TCAF1: variants seen among roughly 807,000 people sequenced by gnomAD.
TCAF1 encodes TRPM8 channel associated factor 1.
In TCAF1, 4 loss-of-function variants were observed where a neutral mutation model predicts 27.3. The observed-to-expected ratio is 0.15, with a 90% CI of 0.07 to 0.34. The LOEUF is 0.34. TCAF1 is among the 10% of genes least tolerant of loss of function. TCAF1 has a pLI of 1.00. For synonymous variants in TCAF1, 105 were observed against 167.1 expected (o/e 0.63, Z 2.87); for missense variants, 257 against 425.8 (o/e 0.60, Z 3.49).
At chr7:143,859,978 ATAT>A (rs1231369627) in intron 6 of TCAF1, among the ~76,000 whole-genome samples, 3 of 29,992 alleles carry the variant, frequency 1.0e-4, no homozygotes, top group Non-Finnish European at 2.1e-4. Context: ...TATATAATAT[ATAT>A]TATATAATAT....
At chr7:143,882,198 A>T in intron 1 of TCAF1, 1 of 80,642 alleles carries the variant, frequency 1.2e-5, no homozygotes, top group Non-Finnish European at 2.5e-5. Flanking sequence ...GCGTAAACAC[A>T]CACACACACA....
intron 1 of TCAF1, among the ~76,000 whole-genome samples, chr7:143,890,865 C>A (rs1238463298): frequency 6.6e-6 from 1 of 152,116 alleles, no homozygotes; most frequent in African/African-American, 2.4e-5. Flanking sequence ...ATAGGAGAGA[C>A]CTCAAGGAAA....
chr7:143,883,351 G>A (rs1242659102), intron 1 of TCAF1, among the ~76,000 whole-genome samples: 1 of 151,982 alleles, frequency 6.6e-6, no homozygotes, highest in Non-Finnish European at 1.5e-5. Context: ...TGAGAAATAG[G>A]AGAGGTGCAA....
intron 7 of TCAF1, 64 bp from the exon 8 acceptor site, chr7:143,857,414 T>C (rs1460400041): frequency 9.5e-7 from 1 of 1,056,552 alleles, no homozygotes; most frequent in East Asian, 2.4e-5. Context: ...CAACAACCAC[T>C]ATAATAAGTG....
intron 1 of TCAF1, among the ~76,000 whole-genome samples, chr7:143,896,539 A>G (rs1195370245): frequency 6.6e-6 from 1 of 152,092 alleles, no homozygotes; most frequent in Non-Finnish European, 1.5e-5. Context: ...ACGCACACAA[A>G]GAAAACTTAC....
rs1450960151 is a variant in TCAF1 at position 143,851,950 on chromosome 7, T to C, written c.*2183A>G. 1 of 152,230 alleles carries C rather than the reference T, an allele frequency of 6.6e-6. No homozygotes were observed. Among genetic ancestry groups the C allele is most frequent in the Non-Finnish European group, 1.5e-5 (1 of 68,054 alleles). 9.4% of individuals were successfully genotyped at this position (152,230 alleles called of 1,614,324 possible). A position where few individuals can be genotyped will look rare whatever the true frequency, so the allele number is the denominator to read the frequency against. On this transcript the variant is annotated 3_prime_UTR_variant, in exon 9 of 9. Coordinates refer to ENST00000479870, the MANE Select transcript of TCAF1 (RefSeq NM_014719.3). The stretch of plus-strand genomic sequence containing the variant: ...AAAAAATGAAACCTTTCACACTTTG[T>C]TAATAGGCTGATCTGAACATTGAAT...
rs889777069 is a variant in TCAF1, at chr7:143,885,380, G to A, written c.-14-8758C>T. ...TGCAGTGCAGACGGTTGGGGGTTGG[G>A]GCGTCCCCGGGAGCTGATTGGCTGC... On this transcript the variant is annotated intron_variant, in intron 1 of 8. Transcript: ENST00000479870. 9.1e-6 allele frequency: 9 copies of A among 985,068 alleles called. No homozygotes were observed. The Admixed American group carries it at 5.5e-4, about 61-fold the overall frequency. The allele number at this position is 985,068 out of a possible 1,614,324, so 61.0% of individuals were successfully genotyped here. A position where few individuals can be genotyped will look rare whatever the true frequency, so the allele number is the denominator to read the frequency against.
chr7:143,893,706 A>T (rs1211925533), intron 1 of TCAF1, among the ~76,000 whole-genome samples: 2 of 151,944 alleles, frequency 1.3e-5, no homozygotes, highest in East Asian at 3.8e-4. Flanking sequence ...AAATATCTTA[A>T]CTAAATAATA....
intron 2 of TCAF1, among the ~76,000 whole-genome samples, chr7:143,875,459 A>G (rs1310710532): frequency 6.6e-6 from 1 of 152,042 alleles, no homozygotes; most frequent in Non-Finnish European, 1.5e-5. Context: ...CTGATCATCA[A>G]CCTTTTGCCC....
intron 1 of TCAF1, among the ~76,000 whole-genome samples, chr7:143,889,998 T>C (rs543531263): frequency 1.8e-4 from 27 of 151,420 alleles, no homozygotes; most frequent in African/African-American, 6.5e-4. Flanking sequence ...CCATTTTTCT[T>C]TTTTTTTTGA....
At chr7:143,899,831 A>C (rs868710279) in intron 1 of TCAF1, among the ~76,000 whole-genome samples, 1 of 152,240 alleles carries the variant, frequency 6.6e-6, no homozygotes, top group South Asian at 2.1e-4. Flanking sequence ...TACAAAAATG[A>C]AAGAGACAGG....
intron 1 of TCAF1, 28 bp from the exon 2 acceptor site, chr7:143,876,650 T>G (rs1562962358): frequency 6.8e-7 from 1 of 1,463,660 alleles, no homozygotes; most frequent in Non-Finnish European, 9.0e-7. Flanking sequence ...AAGGCTCAGC[T>G]TAGCGAAGAA....
chr7:143,876,568 C>A lies in TCAF1; in HGVS notation c.41G>T (p.Gly14Val). 6.5e-7 allele frequency: 1 copy of A among 1,529,284 alleles called. No individual in the cohort carries two copies. Among genetic ancestry groups the A allele is most frequent in the Non-Finnish European group, 8.8e-7 (1 of 1,142,322 alleles). 94.7% of individuals were successfully genotyped at this position (1,529,284 alleles called of 1,614,324 possible). The change falls in exon 2 of 9, where the codon GGT becomes GTT. Residue 14 changes from glycine (G) to valine (V), a missense_variant. By Grantham distance (109) the Gly-to-Val change is moderately radical. Coordinates refer to ENST00000479870, the MANE Select transcript of TCAF1 (RefSeq NM_014719.3). ...TTCGGGTACATCCCAGCTTGTCACA[C>A]CATTCATAAGGGCCTCGAAGGCAGC... ...PSAAFEALMN[G>V]VTSWDVPEDA...
intron 1 of TCAF1, among the ~76,000 whole-genome samples, chr7:143,894,932 C>T (rs116726104): frequency 0.013 from 1,989 of 151,684 alleles, 43 homozygotes; most frequent in African/African-American, 0.045. Context: ...TGTGCAGGTG[C>T]ATCACAAAAT....
intron 1 of TCAF1, among the ~76,000 whole-genome samples, chr7:143,893,906 A>C (rs1341892072): frequency 1.3e-5 from 2 of 151,866 alleles, no homozygotes; most frequent in Non-Finnish European, 3.0e-5. Flanking sequence ...AATATAATAA[A>C]CATAAAAGCA....
chr7:143,897,652 A>C (rs1246060105), intron 1 of TCAF1, among the ~76,000 whole-genome samples: 2 of 152,140 alleles, frequency 1.3e-5, no homozygotes. Context: ...ATTCATGTAT[A>C]TGTGAAATTG....
chr7:143,901,822 G>A (rs1814127534), intron 1 of TCAF1, 139 bp downstream of exon 1: 1 of 152,260 alleles, frequency 6.6e-6, no homozygotes, highest in South Asian at 2.1e-4. Flanking sequence ...ATCATCAACG[G>A]GGTAGAGACG....
intron 6 of TCAF1, among the ~76,000 whole-genome samples, 194 bp downstream of exon 6, chr7:143,860,010 ATAAT>A (rs1811907203): frequency 1.5e-4 from 3 of 19,892 alleles, no homozygotes; most frequent in Non-Finnish European, 4.1e-4. Context: ...TAATATATAT[ATAAT>A]ATATATTATA....
intron 1 of TCAF1, chr7:143,882,974 C>T: frequency 1.4e-6 from 1 of 695,692 alleles, no homozygotes; most frequent in Non-Finnish European, 1.8e-6. Flanking sequence ...GGGGACAGCG[C>T]TTCTTTGTGT....
Sources: gnomAD v4.1 joint callset for allele counts (sites outside exome capture counted in the v4.1 genomes callset) on GRCh38, gnomAD v4.1.1 for gene constraint, MANE v1.5 for transcripts, NCBI Gene and HGNC (gene_info 2026-07-23, HGNC 2026-07-21) for gene names.